FAAP20: variants seen among roughly 807,000 people sequenced by gnomAD.
FAAP20 encodes the protein Fanconi anemia core complex-associated protein 20.
FAAP20 carries 12 observed loss-of-function variants against 16.2 expected under a neutral mutation model. The observed-to-expected ratio is 0.74, with a 90% CI of 0.48 to 1.20. The LOEUF is 1.20. Among genes scored for constraint, FAAP20 ranks in the 50% most tolerant of loss-of-function variants. The pLI, the probability that FAAP20 is intolerant of heterozygous loss-of-function variation, is 0.00. For missense variants in FAAP20, 288 were observed against 245.8 expected, an observed-to-expected ratio of 1.17 and a Z score of -1.15; for synonymous variants, 141 against 110.7, an observed-to-expected ratio of 1.27 and a Z score of -1.72.
Position 2,189,700 on chromosome 1 carries a change from G to C in FAAP20, c.*9C>G, listed in dbSNP as rs1248649597. 12 of 1,607,220 alleles carry C rather than the reference G, an allele frequency of 7.5e-6. No individual in the cohort carries two copies. The highest frequency in any genetic ancestry group is 9.4e-6 in the Non-Finnish European group (11 of 1,176,126). On this transcript the variant is annotated 3_prime_UTR_variant, in exon 4 of 4. Coordinates refer to ENST00000378546, the MANE Select transcript of FAAP20 (RefSeq NM_182533.4). ...GCGCCGCACTCTGCGCAGGGCTCTT[G>C]GATGGCGCTCACCACGTCACGTCTT...
At chr1:2,185,416 C>T (rs748494455), downstream of FAAP20, 1 of 718,762 alleles carries the variant, frequency 1.4e-6, no homozygotes, top group East Asian at 2.7e-5. Context: ...TGCCTTTTTT[C>T]CGTGAGTGGC....
At chr1:2,192,391 T>C (rs1000877215) in intron 3 of FAAP20, 52 of 994,316 alleles carry the variant, frequency 5.2e-5, no homozygotes, top group Non-Finnish European at 6.0e-5. Context: ...TTAGGAAAAA[T>C]TGAGGCAGTC....
At chr1:2,207,331 A>G (rs367770758), downstream of FAAP20, among the ~76,000 whole-genome samples, 17 of 152,296 alleles carry the variant, frequency 1.1e-4, no homozygotes, top group East Asian at 1.5e-3. Context: ...GGTCTGGTAG[A>G]TAACTGGAGC....
chr1:2,201,583 G>A (rs184270125), upstream of FAAP20, among the ~76,000 whole-genome samples: 64 of 152,284 alleles, frequency 4.2e-4, no homozygotes, highest in African/African-American at 1.5e-3. Flanking sequence ...TTAGCCGGGC[G>A]TGGTGCCGTG....
At position 2,193,898 on chromosome 1, in the gene FAAP20, C is replaced by G. The variant is rs377642708; in HGVS notation, c.211G>C (p.Gly71Arg). 2 of 1,612,068 alleles carry G rather than the reference C, an allele frequency of 1.2e-6. No individual in the cohort carries two copies. Among genetic ancestry groups the G allele is most frequent in the Non-Finnish European group, 8.5e-7 (1 of 1,179,692 alleles). ...PAFPGQEPRC[G>R]PEPTEVFTVG... ...GTGAAGACTTCAGTGGGCTCCGGGC[C>G]GCACCTGGGCTCCTGCAACACAGAG... The change falls in exon 3 of 4, where the codon GGC (glycine) becomes CGC (arginine). Residue 71 changes from glycine to arginine, a missense_variant. Gly to Arg is a moderately radical substitution (Grantham distance 125, BLOSUM62 -2). Transcript: ENST00000378546.
At chr1:2,194,849 G>T (rs1688731301), upstream of FAAP20, 2 of 931,612 alleles carry the variant, frequency 2.1e-6, no homozygotes, top group Non-Finnish European at 2.5e-6. Context: ...CAGCGAGGCC[G>T]CCCCCCTCCG....
At chr1:2,192,475 A>C in intron 3 of FAAP20, 5 of 999,446 alleles carry the variant, frequency 5.0e-6, no homozygotes, top group Non-Finnish European at 6.0e-6. Context: ...TGTCTTCAGA[A>C]GTCTTTTTTT....
At chr1:2,195,951 G>A (rs1263129143), upstream of FAAP20, among the ~76,000 whole-genome samples, 1 of 152,216 alleles carries the variant, frequency 6.6e-6, no homozygotes, top group Non-Finnish European at 1.5e-5. Flanking sequence ...AGCGCTGAGT[G>A]CTGCCCGGGC....
At chr1:2,198,463 C>T (rs1354061599), upstream of FAAP20, 3 of 402,874 alleles carry the variant, frequency 7.4e-6, no homozygotes, top group Non-Finnish European at 8.7e-6. Flanking sequence ...GCCTCTCCAA[C>T]TCCTTCCACC....
upstream of FAAP20, chr1:2,199,681 G>A (rs2100729454): frequency 1.0e-6 from 1 of 966,220 alleles, no homozygotes; most frequent in Middle Eastern, 5.3e-4. This position sits in a 1 kb window ranked among gnomAD's most constrained non-coding sequence, Gnocchi z 4.5. Context: ...TGAGAAAGTG[G>A]CCTCGCTCGG....
At chr1:2,211,802 C>G (rs561252601), downstream of FAAP20, among the ~76,000 whole-genome samples, 203 of 150,144 alleles carry the variant, frequency 1.4e-3, no homozygotes, top group Non-Finnish European at 1.9e-3. Context: ...CCAGGCTGGT[C>G]TCAAACTCCT....
chr1:2,185,494 G>C (rs568413498), downstream of FAAP20: 28 of 717,964 alleles, frequency 3.9e-5, no homozygotes, highest in South Asian at 3.1e-4. Flanking sequence ...GGACACAGGT[G>C]GGGGCGGGAG....
chr1:2,208,577 G>A (rs1461849703), downstream of FAAP20, among the ~76,000 whole-genome samples: 1 of 152,196 alleles, frequency 6.6e-6, no homozygotes, highest in African/African-American at 2.4e-5. Flanking sequence ...GGCAGCTGCT[G>A]GTACAGGTGG....
chr1:2,198,195 A>G (rs1467223687), upstream of FAAP20: 7 of 1,255,690 alleles, frequency 5.6e-6, no homozygotes, highest in Non-Finnish European at 7.3e-6. Context: ...AGTGGAAATG[A>G]GTTTTTTCTA....
rs528999351 is a variant in FAAP20, at chr1:2,192,133, C to T, written c.470+1506G>A. 12 of 985,656 alleles carry T rather than the reference C, an allele frequency of 1.2e-5. No homozygotes were observed. The Admixed American group carries it at 5.5e-4, about 45-fold the overall frequency. 61.1% of individuals were successfully genotyped at this position (985,656 alleles called of 1,614,324 possible). On this transcript the variant is annotated intron_variant, in intron 3 of 3. Coordinates refer to ENST00000378546, the MANE Select transcript of FAAP20 (RefSeq NM_182533.4). ...AGTCCGGCTGTTAGACCAGACCCTCCAATCCAGGCGGCCTCCCTGCTGGGG... is the reference window on the plus strand; with the variant it reads ...AGTCCGGCTGTTAGACCAGACCCTCTAATCCAGGCGGCCTCCCTGCTGGGG...
At chr1:2,194,664 C>T in intron 1 of FAAP20, 24 bp downstream of exon 1, 3 of 1,127,882 alleles carry the variant, frequency 2.7e-6, no homozygotes, top group Non-Finnish European at 2.2e-6. Context: ...ACCGGCCGCG[C>T]CCCCGCCCGG....
At chr1:2,188,108 CCA>C (rs757121588), downstream of FAAP20, among the ~76,000 whole-genome samples, 1 of 152,204 alleles carries the variant, frequency 6.6e-6, no homozygotes. Flanking sequence ...GGTGTTCACA[CCA>C]CGTCTGCCCC....
chr1:2,209,142 C>T (rs927639946), downstream of FAAP20, among the ~76,000 whole-genome samples: 1 of 152,146 alleles, frequency 6.6e-6, no homozygotes, highest in Non-Finnish European at 1.5e-5. Context: ...CTGCCACCCC[C>T]TCCCTCGCGT....
upstream of FAAP20, among the ~76,000 whole-genome samples, chr1:2,204,895 GCCCCGCCC>G (rs1689181926): frequency 3.0e-5 from 1 of 33,768 alleles, no homozygotes; most frequent in African/African-American, 1.6e-4. Context: ...CCGCCCTCAA[GCCCCGCCC>G]CTCAAGCCCC....
Sources: allele counts gnomAD v4.1 joint callset (sites outside exome capture counted in the v4.1 genomes callset), GRCh38; gene constraint gnomAD v4.1.1; non-coding constraint Gnocchi (gnomAD v3.1); transcripts MANE v1.5; gene names NCBI Gene and HGNC (gene_info 2026-07-23, HGNC 2026-07-21).